RFX1: variants seen among roughly 807,000 people sequenced by gnomAD.
The protein encoded by RFX1 is regulatory factor X1, also known as MHC class II regulatory factor RFX1.
In RFX1, 42 loss-of-function variants were observed where a neutral mutation model predicts 119.6. The ratio of observed to expected loss-of-function variants is 0.35; its 90% CI spans 0.27 to 0.45. RFX1 has a LOEUF of 0.45. Ranked by LOEUF, RFX1 falls within the 20% of genes least tolerant of loss-of-function variation. The pLI is 1.00. For missense variants in RFX1, 1,118 were observed against 1,368.1 expected (o/e 0.82, Z 2.88); for synonymous variants, 628 against 618.5 (o/e 1.02, Z -0.23).
chr19:13,993,861 T>A lies in RFX1; in HGVS notation c.-18A>T. On this transcript the variant is annotated 5_prime_UTR_variant, in exon 2 of 21. Transcript: ENST00000254325. ...GTTGCCATGCCAACGGTGGGGAAAA[T>A]GATAATAAATAAGGCTTTTTTTTTT... 1.3e-6 allele frequency: 2 copies of A among 1,496,304 alleles called. No individual in the cohort carries two copies. The highest frequency in any genetic ancestry group is 1.3e-5 in the South Asian group (1 of 77,358). The allele number at this position is 1,496,304 out of a possible 1,614,324, so 92.7% of individuals were successfully genotyped here.
chr19:13,965,798 C>G lies in RFX1; in HGVS notation c.1962-21G>C, dbSNP rs1274791965. ...CATGTCTGCGGGCACCCACCCCACC[C>G]CGGGTCACTGGGGTACTCTATGGTC... On this transcript the variant is annotated intron_variant, in intron 14 of 20. Transcript: ENST00000254325. The surrounding 1 kb of genome is among the most constrained non-coding windows in gnomAD (Gnocchi z 4.7). The G allele has an allele frequency of 6.2e-7, 1 of 1,611,876 alleles. No homozygotes were observed. The highest frequency in any genetic ancestry group is 2.2e-5 in the East Asian group (1 of 44,892).
rs774252249 is a variant in RFX1, at chr19:13,968,605, C to G, written c.1692G>C (p.Ser564=). The change falls in exon 12 of 21, where the codon TCG becomes TCC. Residue 564 remains serine (S), a synonymous_variant. Transcript: ENST00000254325. This position sits in a 1 kb window ranked among gnomAD's most constrained non-coding sequence, Gnocchi z 5.5. ...AVGQQPSTGL[S]DISAQVQQYQ... is the part of the protein sequence containing the mutation. ...ACTGCTGCACCTGGGCGCTGATGTC[C>G]GACAGCCCCGTGCTCGGCTGCTGCC... 3.1e-6 allele frequency: 5 copies of G among 1,613,190 alleles called. No homozygotes were observed. Among genetic ancestry groups the G allele is most frequent in the Non-Finnish European group, 4.2e-6 (5 of 1,179,984 alleles).
chr19:13,973,110 G>A lies in RFX1; in HGVS notation c.947C>T (p.Ser316Phe). Residue 316 changes from serine to phenylalanine, a missense_variant, in exon 9 of 21, where the codon TCC becomes TTC. Ser to Phe is a radical substitution (Grantham distance 155, BLOSUM62 -2). Transcript: ENST00000254325. ...CGTGTACAGCGGCGTCTCGGGATAG[G>A]AGTAGGTGCTGGAACGGCTGGGAAA... ...TASAIRSSTY[S>F]YPETPLYTQT... is the part of the protein sequence containing the mutation. The A allele has an allele frequency of 1.3e-6, 2 of 1,597,580 alleles. No individual in the cohort carries two copies. The highest frequency in any genetic ancestry group is 1.7e-6 in the Non-Finnish European group (2 of 1,178,718).
In RFX1 at chr19:13,969,709, A is replaced by G. The variant is rs1243180277; in HGVS notation, c.1496+285T>C. On this transcript the variant is annotated intron_variant, in intron 10 of 20. Coordinates refer to ENST00000254325, the MANE Select transcript of RFX1 (RefSeq NM_002918.5). This position sits in a 1 kb window ranked among gnomAD's most constrained non-coding sequence, Gnocchi z 4.5. ...GAGCGTGCTGAATGCTAAAGAGAAA[A>G]ATAAAGCAGGGTTGGGGGGTGTCGG... 5.3e-6 allele frequency: 2 copies of G among 380,900 alleles called. No homozygotes were observed. Among genetic ancestry groups the G allele is most frequent in the Non-Finnish European group, 9.4e-6 (2 of 211,790 alleles). The allele number at this position is 380,900 out of a possible 1,614,324, so 23.6% of individuals were successfully genotyped here. A position where few individuals can be genotyped will look rare whatever the true frequency, so the allele number is the denominator to read the frequency against.
intron 8 of RFX1, among the ~76,000 whole-genome samples, chr19:13,975,265 G>C (rs534717212): frequency 2.0e-5 from 3 of 151,822 alleles, no homozygotes; most frequent in African/African-American, 7.3e-5. Flanking sequence ...ACTGAGGCAG[G>C]AGAATCGCAG....
rs1005366518 is a variant in RFX1, at chr19:13,964,007, C to T, written c.2212G>A (p.Val738Met). Residue 738 changes from valine (V) to methionine (M), a missense_variant and splice_region_variant, in exon 17 of 21, where the codon GTG becomes ATG. Physicochemically the swap from Val to Met is conservative, Grantham distance 21 (BLOSUM62 1). Around this residue, in one of 5 missense-constraint regions of RFX1, gnomAD observed 338 missense variants for 508.9 expected, o/e 0.66. Coordinates refer to ENST00000254325, the MANE Select transcript of RFX1 (RefSeq NM_002918.5). ...TGCGCGAAGGCGCCAGCCGCGGCCA[C>T]CTGCGTGCAGGGATTGAGGGGCTTG... ...NIPEEMLRVKVAAAGAFAQTL... is the reference protein window; with the variant it reads ...NIPEEMLRVKMAAAGAFAQTL... 4 of 1,533,166 alleles carry T rather than the reference C, an allele frequency of 2.6e-6. No individual in the cohort carries two copies. Among genetic ancestry groups the T allele is most frequent in the Non-Finnish European group, 3.5e-6 (4 of 1,145,644 alleles). 95.0% of individuals were successfully genotyped at this position (1,533,166 alleles called of 1,614,324 possible). A position where few individuals can be genotyped will look rare whatever the true frequency, so the allele number is the denominator to read the frequency against.
At chr19:14,002,773 G>A (rs1975258726) in intron 1 of RFX1, among the ~76,000 whole-genome samples, 1 of 152,214 alleles carries the variant, frequency 6.6e-6, no homozygotes, top group Non-Finnish European at 1.5e-5. Context: ...GTCCTGTACA[G>A]CTGCTATTGA....
At chr19:13,983,695 C>CTGGG in intron 2 of RFX1, 100 bp from the exon 3 acceptor site, 1 of 990,800 alleles carries the variant, frequency 1.0e-6, no homozygotes, top group Non-Finnish European at 1.5e-6. Flanking sequence ...AAGCCAACCC[C>CTGGG]CAGCAAGGTC....
chr19:13,970,298 A>G, intron 9 of RFX1, 123 bp from the exon 10 acceptor site: 3 of 742,206 alleles, frequency 4.0e-6, no homozygotes, highest in Non-Finnish European at 2.2e-6. Context: ...CACATAAGTT[A>G]GCACATCCTA....
chr19:13,969,928 T>TG lies in RFX1; in HGVS notation c.1496+65dup. ...CTGGACTGCCTGAGATGACTCGGAG[T>TG]GGGGGTGGGCCTTGGCATGCCCACC... On this transcript the variant is annotated intron_variant, in intron 10 of 20. Transcript: ENST00000254325. This position sits in a 1 kb window ranked among gnomAD's most constrained non-coding sequence, Gnocchi z 4.5. 6.7e-7 allele frequency: 1 copy of TG among 1,488,616 alleles called. No homozygotes were observed. The highest frequency in any genetic ancestry group is 9.1e-7 in the Non-Finnish European group (1 of 1,102,186). The allele number at this position is 1,488,616 out of a possible 1,614,324, so 92.2% of individuals were successfully genotyped here.
chr19:13,979,428 A>T lies in RFX1; in HGVS notation c.834+19T>A. On this transcript the variant is annotated intron_variant, in intron 7 of 20. Coordinates refer to ENST00000254325, the MANE Select transcript of RFX1 (RefSeq NM_002918.5). ...GGACCAGCCCCTTTGCCCGTGGGGTAGGAGGGGGAGACACACACCTCTTGA... is the reference window on the plus strand; with the variant it reads ...GGACCAGCCCCTTTGCCCGTGGGGTTGGAGGGGGAGACACACACCTCTTGA... 5.3e-6 allele frequency: 8 copies of T among 1,516,288 alleles called. No homozygotes were observed. The highest frequency in any genetic ancestry group is 7.2e-6 in the Non-Finnish European group (8 of 1,117,314). The allele number at this position is 1,516,288 out of a possible 1,614,324, so 93.9% of individuals were successfully genotyped here.
rs555750405 is a variant in RFX1, at chr19:13,984,759, C to T, written c.320-1164G>A. 2.2e-3 allele frequency among the ~76,000 whole-genome samples: 330 copies of T among 152,282 alleles called. 1 individual carries two copies. The highest frequency in any genetic ancestry group is 7.6e-3 in the African/African-American group (316 of 41,548). On this transcript the variant is annotated intron_variant, in intron 2 of 20. Coordinates refer to ENST00000254325, the MANE Select transcript of RFX1 (RefSeq NM_002918.5). Reference sequence around the variant, plus strand: ...GATTTAGAGGGGTTTATCCGACCCCCGGCAGGACTGAAGGGCCACGGGCAA... The same window carrying T: ...GATTTAGAGGGGTTTATCCGACCCCTGGCAGGACTGAAGGGCCACGGGCAA...
intron 1 of RFX1, among the ~76,000 whole-genome samples, chr19:14,003,018 T>C (rs1323918390): frequency 6.6e-6 from 1 of 152,242 alleles, no homozygotes; most frequent in African/African-American, 2.4e-5. Flanking sequence ...AGTCTTGCTC[T>C]GTCACCCAGG....
chr19:13,994,393 C>T (rs1182368433), intron 1 of RFX1, among the ~76,000 whole-genome samples: 1 of 152,124 alleles, frequency 6.6e-6, no homozygotes, highest in African/African-American at 2.4e-5. Context: ...CAGGGCTGGG[C>T]ACTTTCCCTA....
intron 7 of RFX1, among the ~76,000 whole-genome samples, chr19:13,978,810 C>T (rs1327081596): frequency 1.3e-5 from 2 of 152,162 alleles, no homozygotes; most frequent in Non-Finnish European, 2.9e-5. Context: ...GGATCCTGAC[C>T]CTCTGGTCGG....
At chr19:13,963,305 A>T (rs768542253) in intron 18 of RFX1, 30 bp from the exon 19 acceptor site, 31 of 1,590,812 alleles carry the variant, frequency 1.9e-5, no homozygotes, top group Non-Finnish European at 2.6e-5. Flanking sequence ...GGAGACCGTC[A>T]GGCCCCGTCC....
intron 18 of RFX1, 56 bp downstream of exon 18, chr19:13,963,482 C>T: frequency 6.6e-7 from 1 of 1,519,008 alleles, no homozygotes; most frequent in South Asian, 1.2e-5. Flanking sequence ...CTGAGACCCC[C>T]AGGGACGCGG....
chr19:13,962,585 C>T lies in RFX1; in HGVS notation c.*110G>A. Reference sequence around the variant, plus strand: ...CCCGGTCTTCCCTGTCTCGGAGTCCCCCTCCCTGCCCTGGCTGAGGCTGGA... The same window carrying T: ...CCCGGTCTTCCCTGTCTCGGAGTCCTCCTCCCTGCCCTGGCTGAGGCTGGA... On this transcript the variant is annotated 3_prime_UTR_variant, in exon 21 of 21. Coordinates refer to ENST00000254325, the MANE Select transcript of RFX1 (RefSeq NM_002918.5). 6.6e-6 allele frequency: 6 copies of T among 915,250 alleles called. No homozygotes were observed. Among genetic ancestry groups the T allele is most frequent in the Non-Finnish European group, 9.4e-6 (6 of 636,516 alleles). The allele number at this position is 915,250 out of a possible 1,614,324, so 56.7% of individuals were successfully genotyped here.
In RFX1 at chr19:13,965,391, G is replaced by A. The variant is rs1222897363; in HGVS notation, c.2211+58C>T. 2.7e-6 allele frequency: 4 copies of A among 1,478,344 alleles called. No individual in the cohort carries two copies. The African/African-American group carries it at 5.5e-5, about 20-fold the overall frequency. The allele number at this position is 1,478,344 out of a possible 1,614,324, so 91.6% of individuals were successfully genotyped here. On this transcript the variant is annotated intron_variant, in intron 16 of 20. Transcript: ENST00000254325. The surrounding 1 kb of genome is among the most constrained non-coding windows in gnomAD (Gnocchi z 4.7). ...CAAATTTTACCGCCCCTGGGGAGCA[G>A]AGGAGACGGAGGCCTAAGCCCCAGA... is the stretch of plus-strand genomic sequence containing the variant.
Sources: gnomAD v4.1 joint callset for allele counts (sites outside exome capture counted in the v4.1 genomes callset) on GRCh38, gnomAD v4.1.1 for gene constraint, gnomAD v4.1.1 regional missense constraint, Gnocchi (gnomAD v3.1) non-coding constraint, MANE v1.5 for transcripts, NCBI Gene and HGNC (gene_info 2026-07-23, HGNC 2026-07-21) for gene names.